CACFD1: variants seen among roughly 807,000 people sequenced by gnomAD.
The protein encoded by CACFD1 is calcium channel flower homolog.
CACFD1 carries 26 observed loss-of-function variants against 21.3 expected under a neutral mutation model. The observed-to-expected ratio is 1.22, with a 90% CI of 0.89 to 1.69. The LOEUF (loss-of-function observed/expected upper bound fraction) is 1.69, where lower values mean the gene tolerates loss of function less well. Among genes scored for constraint, CACFD1 ranks in the 40% most tolerant of loss-of-function variants. CACFD1 has a pLI of 0.00. For synonymous variants in CACFD1, 121 were observed against 106.6 expected (o/e 1.13, Z -0.83); for missense variants, 265 against 236.2 (o/e 1.12, Z -0.80).
chr9:133,462,218 A>G, intron 1 of CACFD1: 1 of 1,304,276 alleles, frequency 7.7e-7, no homozygotes, highest in Non-Finnish European at 1.0e-6. Flanking sequence ...CCGAGCTGTC[A>G]GGTGAGGCCA....
At position 133,463,512 on chromosome 9, in the gene CACFD1, A is replaced by C. The variant is rs1554798916; in HGVS notation, c.151A>C (p.Ile51Leu). The change falls in exon 2 of 5, where the codon ATC becomes CTC. Residue 51 changes from isoleucine (I) to leucine (L), a missense_variant. Ile to Leu is a conservative substitution (Grantham distance 5, BLOSUM62 2). Transcript: ENST00000316948. ...SCAISGLFNC[I>L]TIHPLNIAAG... ...CGCGATCTCTGGCCTCTTCAACTGC[A>C]TCACCATCCACCCTCTGAACATTGC... is the stretch of plus-strand genomic sequence containing the variant. 6.2e-7 allele frequency: 1 copy of C among 1,614,130 alleles called. No homozygotes were observed.
Position 133,467,993 on chromosome 9 carries a change from G to T in CACFD1, c.393G>T (p.Thr131=), listed in dbSNP as rs150411088. The T allele has an allele frequency of 1.2e-6, 2 of 1,613,902 alleles. No individual in the cohort carries two copies. The highest frequency in any genetic ancestry group is 3.3e-5 in the Admixed American group (2 of 60,026). ...TGGGCAACGCCATCGCCTTTGCTAC[G>T]GGGGTGCTGTACGGACTCTCTGCTC... The part of the protein sequence containing the change: ...TLLGNAIAFA[T]GVLYGLSALG... Residue 131 remains threonine (T), a synonymous_variant, in exon 4 of 5, where the codon ACG becomes ACT. Coordinates refer to ENST00000316948, the MANE Select transcript of CACFD1 (RefSeq NM_017586.5).
At chr9:133,467,839 T>G in intron 3 of CACFD1, 82 bp from the exon 4 acceptor site, 2 of 1,012,580 alleles carry the variant, frequency 2.0e-6, no homozygotes, top group Non-Finnish European at 3.1e-6. Flanking sequence ...CTAGGAAGGA[T>G]GCTGGGCCGA....
Position 133,463,989 on chromosome 9 carries a change from G to A in CACFD1, c.194+434G>A, listed in dbSNP as rs1223240937. On this transcript the variant is annotated intron_variant, in intron 2 of 4. Transcript: ENST00000316948. ...GGGTTGAATGGTCTGCTGGGAGAGG[G>A]CACTCGAGCTCGGAGCTGTGCCAAA... Among the ~76,000 whole-genome samples, 8 of 152,350 alleles carry A rather than the reference G, an allele frequency of 5.3e-5. No individual in the cohort carries two copies. The East Asian group carries it at 1.4e-3, about 26-fold the overall frequency.
At chr9:133,468,142 A>C in intron 4 of CACFD1, 114 bp downstream of exon 4, 1 of 1,036,774 alleles carries the variant, frequency 9.6e-7, no homozygotes, top group Admixed American at 2.3e-5. Context: ...ACCGAGGCAG[A>C]GGTCCCAGTA....
intron 2 of CACFD1, among the ~76,000 whole-genome samples, chr9:133,463,903 C>A (rs1554799025): frequency 1.3e-5 from 2 of 152,236 alleles, no homozygotes; most frequent in African/African-American, 4.8e-5. Context: ...GGGGCCCTCG[C>A]CCTCTGGGAG....
chr9:133,460,207 G>A lies in CACFD1; in HGVS notation c.121+20G>A, dbSNP rs1360263002. 8 of 1,519,060 alleles carry A rather than the reference G, an allele frequency of 5.3e-6. No homozygotes were observed. The highest frequency in any genetic ancestry group is 2.1e-5 in the Admixed American group (1 of 48,516). 94.1% of individuals were successfully genotyped at this position (1,519,060 alleles called of 1,614,324 possible). ...CAGTCTGTGAGTATCCAGTCGGGGA[G>A]AGGGGCCGGCCCCGCCGCGCATGCG... On this transcript the variant is annotated intron_variant, in intron 1 of 4. Coordinates refer to ENST00000316948, the MANE Select transcript of CACFD1 (RefSeq NM_017586.5).
In CACFD1 at chr9:133,467,913, C is replaced by G; in HGVS notation, c.321-8C>G. 6.2e-7 allele frequency: 1 copy of G among 1,603,456 alleles called. No homozygotes were observed. Among genetic ancestry groups the G allele is most frequent in the Non-Finnish European group, 8.5e-7 (1 of 1,172,258 alleles). On this transcript the variant is annotated splice_polypyrimidine_tract_variant and splice_region_variant and intron_variant, in intron 3 of 4. Coordinates refer to ENST00000316948, the MANE Select transcript of CACFD1 (RefSeq NM_017586.5). ...GGAGTGCCCCCTTGACCTCTGCTTT[C>G]CCCCCAGGATGGCGGTCGTTCCCAT...
intron 1 of CACFD1, chr9:133,462,346 T>C: frequency 1.6e-6 from 2 of 1,240,588 alleles, no homozygotes; most frequent in South Asian, 2.6e-5. Flanking sequence ...TGTCTAAGGC[T>C]GTGCTGAGGA....
intron 1 of CACFD1, chr9:133,462,358 C>T (rs1554798715): frequency 1.7e-6 from 2 of 1,175,162 alleles, no homozygotes; most frequent in African/African-American, 1.6e-5. Context: ...TGCTGAGGAG[C>T]AGTGCAACGC....
chr9:133,467,789 C>T (rs1225479605), intron 3 of CACFD1, 132 bp from the exon 4 acceptor site: 1 of 647,554 alleles, frequency 1.5e-6, no homozygotes, highest in Admixed American at 2.4e-5. Context: ...GAAGCTGTGT[C>T]TCAGTTGATT....
At chr9:133,468,387 C>G (rs782640574) in intron 4 of CACFD1, 176 bp from the exon 5 acceptor site, 11 of 1,535,946 alleles carry the variant, frequency 7.2e-6, no homozygotes, top group Non-Finnish European at 8.7e-6. Context: ...CCCAGGGAGC[C>G]TGGGCCATTC....
chr9:133,468,177 G>T, intron 4 of CACFD1, 149 bp downstream of exon 4: 1 of 1,084,512 alleles, frequency 9.2e-7, no homozygotes, highest in Non-Finnish European at 1.3e-6. Context: ...CCAGGGCTCA[G>T]CTCGAGTGGG....
chr9:133,462,205 C>T, intron 1 of CACFD1: 1 of 1,304,262 alleles, frequency 7.7e-7, no homozygotes, highest in South Asian at 1.2e-5. Flanking sequence ...GCAGGAAGCA[C>T]AGCCGAGCTG....
At chr9:133,467,303 C>T (rs915742021) in intron 3 of CACFD1, among the ~76,000 whole-genome samples, 1 of 152,202 alleles carries the variant, frequency 6.6e-6, no homozygotes, top group Admixed American at 6.5e-5. Context: ...CCCCAGTGGA[C>T]CCTGCCACCA....
In CACFD1 at chr9:133,468,718, G is replaced by T; in HGVS notation, c.*65G>T. The T allele has an allele frequency of 1.3e-6, 2 of 1,503,644 alleles. No individual in the cohort carries two copies. The allele number at this position is 1,503,644 out of a possible 1,614,324, so 93.1% of individuals were successfully genotyped here. A position where few individuals can be genotyped will look rare whatever the true frequency, so the allele number is the denominator to read the frequency against. On this transcript the variant is annotated 3_prime_UTR_variant, in exon 5 of 5. Coordinates refer to ENST00000316948, the MANE Select transcript of CACFD1 (RefSeq NM_017586.5). ...TCTGTGTGGGTCCAAGTGAGGCCTG[G>T]ACTGTCCACGCTGAGGCACAGCCTG... is the stretch of plus-strand genomic sequence containing the variant.
intron 3 of CACFD1, among the ~76,000 whole-genome samples, chr9:133,467,155 C>T (rs1843471371): frequency 6.6e-6 from 1 of 152,240 alleles, no homozygotes; most frequent in African/African-American, 2.4e-5. Context: ...CCTGCACAGG[C>T]AGCCTCCTCT....
Position 133,463,335 on chromosome 9 carries a change from G to A in CACFD1, c.122-148G>A, listed in dbSNP as rs370522817. 8.9e-6 allele frequency: 13 copies of A among 1,467,338 alleles called. No individual in the cohort carries two copies. The East Asian group carries it at 9.4e-5, about 11-fold the overall frequency. 90.9% of individuals were successfully genotyped at this position (1,467,338 alleles called of 1,614,324 possible). A position where few individuals can be genotyped will look rare whatever the true frequency, so the allele number is the denominator to read the frequency against. On this transcript the variant is annotated intron_variant, in intron 1 of 4. Coordinates refer to ENST00000316948, the MANE Select transcript of CACFD1 (RefSeq NM_017586.5). ...CTGCGTCTCCTCACCTGTCTCAGAC[G>A]ATAGAGGGCAGGCTTCTGGGTGCTG...
At chr9:133,463,584 G>A in intron 2 of CACFD1, 29 bp downstream of exon 2, 1 of 1,612,440 alleles carries the variant, frequency 6.2e-7, no homozygotes, top group Non-Finnish European at 8.5e-7. Flanking sequence ...TCCCACCCCG[G>A]GGGTCTTGCT....
Sources: gnomAD v4.1 joint callset for allele counts (sites outside exome capture counted in the v4.1 genomes callset) on GRCh38, gnomAD v4.1.1 for gene constraint, MANE v1.5 for transcripts, NCBI Gene and HGNC (gene_info 2026-07-23, HGNC 2026-07-21) for gene names.